Variants in ACAP3 observed in about 807,000 individuals in gnomAD.
ACAP3 encodes ArfGAP with coiled-coil, ankyrin repeat and PH domains 3.
A neutral mutation model predicts 104.1 loss-of-function variants in ACAP3; 56 were observed. The observed-to-expected ratio is 0.54, with a 90% confidence interval of 0.43 to 0.67. ACAP3 has a LOEUF of 0.67. ACAP3 is among the 30% of genes least tolerant of loss of function. ACAP3 has a pLI of 0.00. For synonymous variants in ACAP3, 628 were observed against 496.2 expected (o/e 1.27, Z -3.53); for missense variants, 1,208 against 1,174.9 (o/e 1.03, Z -0.41).
At chr1:1,305,375 C>A in intron 1 of ACAP3, 1 of 152,944 alleles carries the variant, frequency 6.5e-6, no homozygotes, top group African/African-American at 2.4e-5. Context: ...GATCCCAGAA[C>A]AGAGAAGGGA....
chr1:1,298,783 CCACACGG>C (rs1365599560), intron 10 of ACAP3, 104 bp from the exon 11 acceptor site: 1 of 817,252 alleles, frequency 1.2e-6, no homozygotes, highest in Admixed American at 2.3e-5. Flanking sequence ...TCTGAGGCTG[CCACACGG>C]CCCACGGACC....
chr1:1,306,693 C>T (rs1056741627), intron 1 of ACAP3, among the ~76,000 whole-genome samples: 1 of 152,244 alleles, frequency 6.6e-6, no homozygotes, highest in Non-Finnish European at 1.5e-5. Context: ...CAATCAAGCA[C>T]ACATGTGCAA....
At chr1:1,298,497 G>GGGGGGC in intron 11 of ACAP3, 70 bp downstream of exon 11, 1 of 1,468,008 alleles carries the variant, frequency 6.8e-7, no homozygotes, top group Non-Finnish European at 9.2e-7. Context: ...CCCACCTGAG[G>GGGGGGC]ACCCCACCCC....
chr1:1,293,327 G>A lies in ACAP3; in HGVS notation c.*237C>T, dbSNP rs1640923474. On this transcript the variant is annotated 3_prime_UTR_variant, in exon 24 of 24. Transcript: ENST00000354700. ...CCTGAAGACAGAGGTTCCCCAGGTG[G>A]GGTGAGGGACACCCGACGATGCAGC... 1.5e-5 allele frequency: 5 copies of A among 324,458 alleles called. No homozygotes were observed. The highest frequency in any genetic ancestry group is 6.7e-5 in the African/African-American group (3 of 44,910). The allele number at this position is 324,458 out of a possible 1,614,324, so 20.1% of individuals were successfully genotyped here.
At chr1:1,299,276 G>T in intron 10 of ACAP3, 69 bp downstream of exon 10, 1 of 1,555,706 alleles carries the variant, frequency 6.4e-7, no homozygotes, top group Non-Finnish European at 8.7e-7. Flanking sequence ...TTGGGGTAGA[G>T]GAGGGAAAGG....
At chr1:1,307,517 G>C (rs1641790669) in intron 1 of ACAP3, 2 of 1,156,366 alleles carry the variant, frequency 1.7e-6, no homozygotes, top group South Asian at 2.8e-5. Flanking sequence ...GGGGCGGACG[G>C]TCCCGAGGTG....
chr1:1,304,094 G>A lies in ACAP3; in HGVS notation c.97C>T (p.Leu33=). 6.4e-7 allele frequency: 1 copy of A among 1,550,718 alleles called. No homozygotes were observed. Among genetic ancestry groups the A allele is most frequent in the Non-Finnish European group, 8.7e-7 (1 of 1,146,886 alleles). ...ETDVVEIEAK[L]DKLVKLCSGM... ...CCAGGCCCGCCCTTCACCTTGTCCA[G>A]TTTGGCCTCAATCTCCACCACGTCC... The change falls in exon 2 of 24, where the codon CTG becomes TTG. Residue 33 remains leucine, a synonymous_variant. Transcript: ENST00000354700.
chr1:1,300,487 C>A, intron 6 of ACAP3, 22 bp downstream of exon 6: 1 of 1,594,728 alleles, frequency 6.3e-7, no homozygotes, highest in East Asian at 2.2e-5. Flanking sequence ...TCCCCGCCCC[C>A]CAGCCCATTT....
rs1641810716 is a variant in ACAP3 at position 1,307,777 on chromosome 1, C to G, written c.39G>C (p.Pro13=). 1 of 1,094,878 alleles carries G rather than the reference C, an allele frequency of 9.1e-7. No individual in the cohort carries two copies. Among genetic ancestry groups the G allele is most frequent in the Admixed American group, 5.2e-5 (1 of 19,050 alleles). The allele number at this position is 1,094,878 out of a possible 1,614,324, so 67.8% of individuals were successfully genotyped here. A position where few individuals can be genotyped will look rare whatever the true frequency, so the allele number is the denominator to read the frequency against. Residue 13 remains proline (P), a synonymous_variant, in exon 1 of 24, where the codon CCG becomes CCC. Transcript: ENST00000354700. ...VEFEECVKDS[P]RFRATIDEVE... ...GGCCCCGGGCGGCGCACCTGAAGCG[C>G]GGGGAGTCCTTGACGCACTCCTCGA...
chr1:1,296,058 A>G lies in ACAP3; in HGVS notation c.1459T>C (p.Cys487Arg). 2 of 1,612,730 alleles carry G rather than the reference A, an allele frequency of 1.2e-6. No individual in the cohort carries two copies. Among genetic ancestry groups the G allele is most frequent in the South Asian group, 2.2e-5 (2 of 91,082 alleles). Reference sequence around the variant, plus strand: ...GGTTTCCTGCTGCCTGCACCCTCACACTGGGCCTCATAGATCTGATTCACA... The same window carrying G: ...GGTTTCCTGCTGCCTGCACCCTCACGCTGGGCCTCATAGATCTGATTCACA... ...SAVNQIYEAQ[C>R]EGAGSRKPTA... The change falls in exon 17 of 24, where the codon TGT becomes CGT. Residue 487 changes from cysteine (C) to arginine (R), a missense_variant. Transcript: ENST00000354700.
chr1:1,296,370 A>G (rs1570636358), intron 15 of ACAP3, 55 bp downstream of exon 15: 4 of 1,527,074 alleles, frequency 2.6e-6, no homozygotes, highest in East Asian at 2.5e-5. Flanking sequence ...TCAGGGGCCC[A>G]CCTGTGGATG....
At chr1:1,307,290 C>A (rs1432065767) in intron 1 of ACAP3, 1 of 1,289,026 alleles carries the variant, frequency 7.8e-7, no homozygotes, top group Non-Finnish European at 1.0e-6. Flanking sequence ...GCCACCCCTC[C>A]AAGCCCCTGG....
intron 1 of ACAP3, among the ~76,000 whole-genome samples, chr1:1,306,777 G>A (rs1446595928): frequency 1.3e-5 from 2 of 152,254 alleles, no homozygotes; most frequent in East Asian, 3.8e-4. Context: ...ACACTGCACA[G>A]ACACGCATCA....
Position 1,294,513 on chromosome 1 carries a change from C to T in ACAP3, c.2028G>A (p.Ala676=). The T allele has an allele frequency of 4.6e-6, 7 of 1,511,316 alleles. No individual in the cohort carries two copies. The highest frequency in any genetic ancestry group is 3.5e-6 in the Non-Finnish European group (4 of 1,138,902). The allele number at this position is 1,511,316 out of a possible 1,614,324, so 93.6% of individuals were successfully genotyped here. The change falls in exon 21 of 24, where the codon GCG becomes GCA. Residue 676 remains alanine (A), a synonymous_variant. Coordinates refer to ENST00000354700, the MANE Select transcript of ACAP3 (RefSeq NM_030649.3). ...LHPGLLAHRA[A]RARDLPALAA... The stretch of plus-strand genomic sequence containing the variant: ...CCAGCGCAGGAAGGTCGCGGGCACG[C>T]GCTGCGCGGTGCGCCAAGAGCCCCG...
chr1:1,307,026 C>A, intron 1 of ACAP3: 1 of 538,398 alleles, frequency 1.9e-6, no homozygotes, highest in Non-Finnish European at 3.3e-6. Context: ...AAGAGCGCAC[C>A]CCGCACGAGC....
intron 19 of ACAP3, 121 bp downstream of exon 19, chr1:1,295,326 G>T: frequency 1.2e-6 from 1 of 868,314 alleles, no homozygotes; most frequent in Admixed American, 2.4e-5. Flanking sequence ...GTGGCCAGGA[G>T]GCCCCCCGCC....
chr1:1,307,338 C>G, intron 1 of ACAP3: 12 of 1,289,736 alleles, frequency 9.3e-6, no homozygotes, highest in Non-Finnish European at 1.2e-5. Flanking sequence ...GCACCCTACC[C>G]CAGGCCTTAA....
chr1:1,296,454 C>T lies in ACAP3; in HGVS notation c.1308G>A (p.Leu436=), dbSNP rs1280786966. Residue 436 remains leucine (L), a synonymous_variant, in exon 15 of 24, where the codon CTG becomes CTA. Coordinates refer to ENST00000354700, the MANE Select transcript of ACAP3 (RefSeq NM_030649.3). ...GGATGCCGGAGCACTCAATGCAGAG[C>T]AGCACGCCCAGGTTGATGCTGGCCC... The part of the protein sequence containing the change: ...PRWASINLGV[L]LCIECSGIHR... 9 of 1,546,476 alleles carry T rather than the reference C, an allele frequency of 5.8e-6. No individual in the cohort carries two copies. Among genetic ancestry groups the T allele is most frequent in the Non-Finnish European group, 7.8e-6 (9 of 1,147,260 alleles).
chr1:1,294,930 A>G, intron 19 of ACAP3, 114 bp from the exon 20 acceptor site: 1 of 1,001,708 alleles, frequency 1.0e-6, no homozygotes, highest in Non-Finnish European at 1.5e-6. Context: ...TAGGGACAGG[A>G]CCAGCTCCCA....
Sources: allele counts gnomAD v4.1 joint callset (sites outside exome capture counted in the v4.1 genomes callset), GRCh38; gene constraint gnomAD v4.1.1; transcripts MANE v1.5; gene names NCBI Gene and HGNC (gene_info 2026-07-23, HGNC 2026-07-21).